WASL: variants seen among roughly 807,000 people sequenced by gnomAD.
WASL encodes the protein actin nucleation-promoting factor WASL.
WASL carries 20 observed loss-of-function variants against 55.5 expected under a neutral mutation model. That is an observed-to-expected ratio of 0.36 (90% CI 0.25 to 0.52). The LOEUF is 0.52. Ranked by LOEUF, WASL falls within the 20% of genes least tolerant of loss-of-function variation. The pLI, the probability that WASL is intolerant of heterozygous loss-of-function variation, is 0.92. For missense variants in WASL, 504 were observed against 622.5 expected, an observed-to-expected ratio of 0.81 and a Z score of 2.03; for synonymous variants, 249 against 217.6, an observed-to-expected ratio of 1.14 and a Z score of -1.27.
chr7:123,689,606 A>G (rs1803360664), intron 9 of WASL, among the ~76,000 whole-genome samples: 1 of 152,192 alleles, frequency 6.6e-6, no homozygotes, highest in Admixed American at 6.5e-5. Flanking sequence ...TTTGCCTACA[A>G]AAATTCAGCT....
chr7:123,717,532 T>C (rs1310013004), intron 1 of WASL, among the ~76,000 whole-genome samples: 3 of 152,166 alleles, frequency 2.0e-5, no homozygotes, highest in Non-Finnish European at 4.4e-5. Flanking sequence ...ACCCAAGGAT[T>C]TGCATGAGTG....
intron 1 of WASL, among the ~76,000 whole-genome samples, chr7:123,730,205 G>GT (rs1214183708): frequency 6.6e-6 from 1 of 152,206 alleles, no homozygotes; most frequent in East Asian, 1.9e-4. Flanking sequence ...AGCAAAAAAT[G>GT]TTTAAAGTTC....
At chr7:123,699,432 C>A (rs747019198) in intron 5 of WASL, among the ~76,000 whole-genome samples, 7 of 151,964 alleles carry the variant, frequency 4.6e-5, no homozygotes, top group Non-Finnish European at 7.4e-5. Context: ...ATGACTTTTC[C>A]GGAACTAAGT....
At chr7:123,726,510 A>G (rs1449902156) in intron 1 of WASL, among the ~76,000 whole-genome samples, 4 of 150,076 alleles carry the variant, frequency 2.7e-5, no homozygotes, top group African/African-American at 9.8e-5. Flanking sequence ...AAGGTTAAAG[A>G]AAAAAAAAAG....
chr7:123,716,744 C>G (rs1584866256), intron 1 of WASL, among the ~76,000 whole-genome samples: 1 of 152,176 alleles, frequency 6.6e-6, no homozygotes. Flanking sequence ...TCTGTGGGAA[C>G]AGTTTGGGAT....
chr7:123,737,826 G>T (rs1804263983), intron 1 of WASL, among the ~76,000 whole-genome samples: 1 of 152,094 alleles, frequency 6.6e-6, no homozygotes, highest in Non-Finnish European at 1.5e-5. Context: ...AACTTGATAT[G>T]ATAATAGAAA....
At chr7:123,746,889 CACA>C (rs1804440523) in intron 1 of WASL, among the ~76,000 whole-genome samples, 1 of 152,182 alleles carries the variant, frequency 6.6e-6, no homozygotes, top group Non-Finnish European at 1.5e-5. Context: ...TAGAACACAG[CACA>C]ACTACTTCCT....
At chr7:123,694,236 C>T (rs1803458513) in intron 8 of WASL, among the ~76,000 whole-genome samples, 1 of 152,050 alleles carries the variant, frequency 6.6e-6, no homozygotes, top group Admixed American at 6.6e-5. Context: ...AATATCAAAT[C>T]TTAAAAGGTT....
intron 1 of WASL, among the ~76,000 whole-genome samples, chr7:123,718,342 A>G (rs1456154897): frequency 6.6e-6 from 1 of 152,232 alleles, no homozygotes; most frequent in African/African-American, 2.4e-5. Context: ...AGAATTTTGT[A>G]TATGAAGAAA....
intron 1 of WASL, among the ~76,000 whole-genome samples, chr7:123,717,749 T>C (rs780360158): frequency 1.3e-5 from 2 of 152,214 alleles, no homozygotes; most frequent in African/African-American, 4.8e-5. Flanking sequence ...CAGCTATCGA[T>C]AGTAAATAAA....
intron 1 of WASL, among the ~76,000 whole-genome samples, chr7:123,738,406 C>G (rs1804274042): frequency 6.6e-6 from 1 of 152,150 alleles, no homozygotes; most frequent in South Asian, 2.1e-4. Context: ...CTAGACTGTT[C>G]CCTCTGTAAT....
At position 123,692,812 on chromosome 7, in the gene WASL, T is replaced by C. The variant is rs749856977; in HGVS notation, c.882A>G (p.Pro294=). The C allele has an allele frequency of 7.2e-5, 103 of 1,420,920 alleles. No individual in the cohort carries two copies. Among genetic ancestry groups the C allele is most frequent in the Non-Finnish European group, 9.4e-5 (102 of 1,084,594 alleles). 88.0% of individuals were successfully genotyped at this position (1,420,920 alleles called of 1,614,324 possible). A position where few individuals can be genotyped will look rare whatever the true frequency, so the allele number is the denominator to read the frequency against. ...GAGGAGGAGGAGGACCTGAGTTGTG[T>C]GGAGGGGGAGGAGGAGGAGGTGGCC... The part of the protein sequence containing the change: ...RGGPPPPPPP[P]HNSGPPPPPA... The change falls in exon 9 of 11, where the codon CCA becomes CCG. Residue 294 remains proline (P), a synonymous_variant. Coordinates refer to ENST00000223023, the MANE Select transcript of WASL (RefSeq NM_003941.4).
chr7:123,743,034 G>A (rs1804370625), intron 1 of WASL, among the ~76,000 whole-genome samples: 1 of 152,142 alleles, frequency 6.6e-6, no homozygotes, highest in Non-Finnish European at 1.5e-5. Context: ...TTAGAAAAGT[G>A]AAGTTCAGGA....
intron 6 of WASL, among the ~76,000 whole-genome samples, 165 bp downstream of exon 6, chr7:123,696,412 TAA>T (rs367962329): frequency 7.3e-5 from 10 of 136,244 alleles, no homozygotes; most frequent in Admixed American, 1.5e-4. Flanking sequence ...GCAGCTGCCT[TAA>T]AAAAAAAAAA....
intron 1 of WASL, among the ~76,000 whole-genome samples, chr7:123,732,254 C>T (rs1285062975): frequency 6.6e-6 from 1 of 152,088 alleles, no homozygotes; most frequent in Non-Finnish European, 1.5e-5. Flanking sequence ...GGCGTGAACC[C>T]GGGAGGCGGA....
At chr7:123,706,915 G>A in intron 2 of WASL, 89 bp from the exon 3 acceptor site, 1 of 686,840 alleles carries the variant, frequency 1.5e-6, no homozygotes, top group Non-Finnish European at 2.3e-6. Flanking sequence ...TAAGAAAACT[G>A]TTTATATTAA....
In WASL at chr7:123,724,938, C is replaced by CA. The variant is rs1473040242; in HGVS notation, c.118-15716dup. ...GAAGGAAGTGGTGAGAGTTTGGGGG[C>CA]AAAAAAAAGCATACCAAAGTCAACA... On this transcript the variant is annotated intron_variant, in intron 1 of 10. Coordinates refer to ENST00000223023, the MANE Select transcript of WASL (RefSeq NM_003941.4). 7.3e-5 allele frequency among the ~76,000 whole-genome samples: 11 copies of CA among 151,036 alleles called. No individual in the cohort carries two copies. In the South Asian group the frequency reaches 1.3e-3, roughly 17 times the overall value.
At chr7:123,728,236 T>A (rs1804082604) in intron 1 of WASL, among the ~76,000 whole-genome samples, 1 of 152,200 alleles carries the variant, frequency 6.6e-6, no homozygotes. Context: ...CTGGGCACTT[T>A]CAAGAACTAC....
chr7:123,689,110 G>C lies in WASL; in HGVS notation c.1388C>G (p.Pro463Arg), dbSNP rs777504178. 1 of 1,613,390 alleles carries C rather than the reference G, an allele frequency of 6.2e-7. No individual in the cohort carries two copies. Among genetic ancestry groups the C allele is most frequent in the Admixed American group, 1.7e-5 (1 of 59,958 alleles). ...TAATGCACCCACAATTCCTGAAGTG[G>C]GTGCAGGTGTTGGTGGTGTAGACTC... The part of the protein sequence containing the change: ...GQESTPPTPA[P>R]TSGIVGALME... The change falls in exon 10 of 11, where the codon CCC becomes CGC. Residue 463 changes from proline to arginine, a missense_variant. Physicochemically the swap from Pro to Arg is moderately radical, Grantham distance 103 (BLOSUM62 -2). Transcript: ENST00000223023.
Sources: allele counts gnomAD v4.1 joint callset (sites outside exome capture counted in the v4.1 genomes callset), GRCh38; gene constraint gnomAD v4.1.1; transcripts MANE v1.5; gene names NCBI Gene and HGNC (gene_info 2026-07-23, HGNC 2026-07-21).